FLVCR2: variants seen among roughly 807,000 people sequenced by gnomAD.
The protein encoded by FLVCR2 is FLVCR choline and putative heme transporter 2.
Under a neutral mutation model 48.9 loss-of-function variants are expected in FLVCR2, and 38 were observed. The observed-to-expected ratio is 0.78, with a 90% CI of 0.60 to 1.02. The LOEUF is 1.02. Ranked by LOEUF, FLVCR2 falls within the 50% of genes least tolerant of loss-of-function variation. The pLI is 0.00. For synonymous variants in FLVCR2, 255 were observed against 257.0 expected, an observed-to-expected ratio of 0.99 and a Z score of 0.07; for missense variants, 664 against 663.3, an observed-to-expected ratio of 1.00 and a Z score of -0.01.
intron 1 of FLVCR2, 146 bp from the exon 2 acceptor site, chr14:75,621,933 G>A: frequency 1.1e-6 from 1 of 888,026 alleles, no homozygotes; most frequent in South Asian, 1.3e-5. Flanking sequence ...TTTCTCTGGT[G>A]TTTTGAGGTG....
intron 3 of FLVCR2, among the ~76,000 whole-genome samples, chr14:75,626,571 A>G (rs1889905000): frequency 6.6e-6 from 1 of 151,860 alleles, no homozygotes; most frequent in South Asian, 2.1e-4. Flanking sequence ...TTCTCTGAGT[A>G]TGTCTCCCCA....
intron 9 of FLVCR2, among the ~76,000 whole-genome samples, chr14:75,643,186 T>C (rs1890343530): frequency 6.6e-6 from 1 of 152,262 alleles, no homozygotes; most frequent in Non-Finnish European, 1.5e-5. Context: ...AATGCCTGCA[T>C]AGTGTTCCTT....
chr14:75,578,832 G>A lies in FLVCR2; in HGVS notation c.-141G>A, dbSNP rs566412814. ...GTGAGCACAGGAAGCCCCACTTGAGGCTTTTACGCAGCCTCTAGTCTCTGT... is the reference window on the plus strand; with the variant it reads ...GTGAGCACAGGAAGCCCCACTTGAGACTTTTACGCAGCCTCTAGTCTCTGT... On this transcript the variant is annotated 5_prime_UTR_variant, in exon 1 of 10. Coordinates refer to ENST00000238667, the MANE Select transcript of FLVCR2 (RefSeq NM_017791.3). The A allele has an allele frequency of 1.3e-6, 1 of 792,386 alleles. No individual in the cohort carries two copies. Among genetic ancestry groups the A allele is most frequent in the African/African-American group, 1.8e-5 (1 of 57,002 alleles). 49.1% of individuals were successfully genotyped at this position (792,386 alleles called of 1,614,324 possible).
intron 6 of FLVCR2, among the ~76,000 whole-genome samples, chr14:75,640,105 A>G (rs1319278906): frequency 6.6e-6 from 1 of 152,076 alleles, no homozygotes; most frequent in Non-Finnish European, 1.5e-5. Flanking sequence ...TAAAAAATAC[A>G]AAAATCAGCC....
At chr14:75,580,782 G>C (rs1888578185) in intron 1 of FLVCR2, among the ~76,000 whole-genome samples, 1 of 152,112 alleles carries the variant, frequency 6.6e-6, no homozygotes, top group Admixed American at 6.5e-5. Context: ...AGGGTGGGGC[G>C]AAACAAATCA....
intron 3 of FLVCR2, among the ~76,000 whole-genome samples, chr14:75,625,273 C>A (rs933719236): frequency 6.7e-6 from 1 of 149,852 alleles, no homozygotes. Context: ...CTCAACCAGT[C>A]CTCCCTCATC....
At chr14:75,644,928 A>G (rs1246281751) in intron 9 of FLVCR2, among the ~76,000 whole-genome samples, 1 of 151,816 alleles carries the variant, frequency 6.6e-6, no homozygotes, top group East Asian at 1.9e-4. Flanking sequence ...TTGGGTTTCC[A>G]TTTTTCTTCT....
At chr14:75,605,581 A>T (rs1417491552) in intron 1 of FLVCR2, 8 of 1,536,004 alleles carry the variant, frequency 5.2e-6, no homozygotes. Flanking sequence ...ATGAGCGCAG[A>T]TAACAGCAGC....
chr14:75,616,822 A>T (rs1377922982), intron 1 of FLVCR2, among the ~76,000 whole-genome samples: 1 of 152,176 alleles, frequency 6.6e-6, no homozygotes, highest in African/African-American at 2.4e-5. Context: ...TCAAGAGGAT[A>T]AGCTGCCTGG....
At chr14:75,608,191 C>T (rs1173406982) in intron 1 of FLVCR2, among the ~76,000 whole-genome samples, 1 of 152,228 alleles carries the variant, frequency 6.6e-6, no homozygotes, top group African/African-American at 2.4e-5. Flanking sequence ...CTCAGCACTC[C>T]TGCCTTTACA....
chr14:75,624,501 T>G, intron 2 of FLVCR2, 111 bp from the exon 3 acceptor site: 2 of 1,224,396 alleles, frequency 1.6e-6, no homozygotes. Context: ...CTATTTCCTT[T>G]GGGAGTCTTA....
intron 5 of FLVCR2, among the ~76,000 whole-genome samples, chr14:75,636,369 T>A (rs1339644157): frequency 6.6e-6 from 1 of 152,198 alleles, no homozygotes; most frequent in Non-Finnish European, 1.5e-5. Flanking sequence ...TTGGCTGCCA[T>A]CTCATCGCTG....
intron 1 of FLVCR2, among the ~76,000 whole-genome samples, chr14:75,607,813 C>A (rs1432620284): frequency 6.6e-6 from 1 of 152,072 alleles, no homozygotes; most frequent in Non-Finnish European, 1.5e-5. Context: ...TGGTTCACAC[C>A]TGTAATCCTA....
At chr14:75,632,794 T>C in intron 3 of FLVCR2, 1 of 702,140 alleles carries the variant, frequency 1.4e-6, no homozygotes, top group South Asian at 1.5e-5. Context: ...CTTATTATTT[T>C]AACTGTGTGT....
intron 1 of FLVCR2, among the ~76,000 whole-genome samples, chr14:75,616,918 GCTC>G (rs1889633828): frequency 6.6e-6 from 1 of 152,216 alleles, no homozygotes; most frequent in East Asian, 1.9e-4. Context: ...TGGACAAAGA[GCTC>G]CTTGCCTTGC....
chr14:75,618,768 C>CA (rs1451791253), intron 1 of FLVCR2, among the ~76,000 whole-genome samples: 1 of 152,188 alleles, frequency 6.6e-6, no homozygotes, highest in African/African-American at 2.4e-5. Flanking sequence ...ATCACACCAA[C>CA]ATTTCATGGA....
At chr14:75,640,016 T>C (rs1401854662) in intron 6 of FLVCR2, among the ~76,000 whole-genome samples, 2 of 152,028 alleles carry the variant, frequency 1.3e-5, no homozygotes, top group Non-Finnish European at 2.9e-5. Context: ...TCCCAGCACT[T>C]TGGGAGTCCA....
intron 1 of FLVCR2, among the ~76,000 whole-genome samples, chr14:75,592,951 GT>G (rs1888923167): frequency 6.6e-6 from 1 of 152,190 alleles, no homozygotes; most frequent in Non-Finnish European, 1.5e-5. Flanking sequence ...CATAACATGG[GT>G]GACCTTTGTT....
At chr14:75,608,721 G>GT (rs1392945260) in intron 1 of FLVCR2, among the ~76,000 whole-genome samples, 1 of 152,142 alleles carries the variant, frequency 6.6e-6, no homozygotes, top group Non-Finnish European at 1.5e-5. Context: ...TGCAGTTTCC[G>GT]TTCGACAAGC....
Sources: gnomAD v4.1 joint callset for allele counts (sites outside exome capture counted in the v4.1 genomes callset) on GRCh38, gnomAD v4.1.1 for gene constraint, MANE v1.5 for transcripts, NCBI Gene and HGNC (gene_info 2026-07-23, HGNC 2026-07-21) for gene names.